Variants in FAR1 observed in about 807,000 individuals in gnomAD.
FAR1 encodes the protein fatty acyl-CoA reductase 1.
FAR1 carries 22 observed loss-of-function variants against 61.1 expected under a neutral mutation model. That is an observed-to-expected ratio of 0.36 (90% confidence interval 0.26 to 0.51). The LOEUF is 0.51. Among genes scored for constraint, FAR1 ranks in the 20% least tolerant of loss-of-function variants. The pLI is 0.95. For missense variants in FAR1, 359 were observed against 626.9 expected, an observed-to-expected ratio of 0.57 and a Z score of 4.56; for synonymous variants, 206 against 209.7, an observed-to-expected ratio of 0.98 and a Z score of 0.15.
chr11:13,671,967 T>C (rs1434944217), intron 1 of FAR1, among the ~76,000 whole-genome samples: 1 of 152,200 alleles, frequency 6.6e-6, no homozygotes, highest in Non-Finnish European at 1.5e-5. Context: ...TACTGAGGAA[T>C]ACACTGTTTA....
At chr11:13,688,657 A>G (rs1209010557) in intron 1 of FAR1, among the ~76,000 whole-genome samples, 1 of 152,084 alleles carries the variant, frequency 6.6e-6, no homozygotes, top group Admixed American at 6.5e-5. Context: ...ATTTTTACAT[A>G]AGAAAAAAAT....
Position 13,700,431 on chromosome 11 carries a change from A to G in FAR1, c.304A>G (p.Ile102Val), listed in dbSNP as rs370085498. The G allele has an allele frequency of 4.3e-5, 68 of 1,593,230 alleles. No homozygotes were observed. The highest frequency in any genetic ancestry group is 5.4e-5 in the Non-Finnish European group (63 of 1,172,690). The change falls in exon 3 of 12, where the codon ATA (isoleucine) becomes GTA (valine). Residue 102 changes from isoleucine (I) to valine (V), a missense_variant. Physicochemically the swap from Ile to Val is conservative, Grantham distance 29. Coordinates refer to ENST00000354817, the MANE Select transcript of FAR1 (RefSeq NM_032228.6). ...ALSEEDKEVIIDSTNIIFHCA... is the reference protein window; with the variant it reads ...ALSEEDKEVIVDSTNIIFHCA... Reference sequence around the variant, plus strand: ...CAGTGAAGAAGATAAAGAGGTGATCATAGATTCTACCAATATTATATTCCA... The same window carrying G: ...CAGTGAAGAAGATAAAGAGGTGATCGTAGATTCTACCAATATTATATTCCA...
At position 13,700,426 on chromosome 11, in the gene FAR1, T is replaced by G. The variant is rs1300936462; in HGVS notation, c.299T>G (p.Val100Gly). The G allele has an allele frequency of 6.3e-7, 1 of 1,593,550 alleles. No individual in the cohort carries two copies. The highest frequency in any genetic ancestry group is 8.5e-7 in the Non-Finnish European group (1 of 1,172,618). ...KLALSEEDKE[V>G]IIDSTNIIFH... is the part of the protein sequence containing the mutation. ...GCTCTCAGTGAAGAAGATAAAGAGG[T>G]GATCATAGATTCTACCAATATTATA... Residue 100 changes from valine to glycine, a missense_variant, in exon 3 of 12, where the codon GTG becomes GGG. By Grantham distance (109) the Val-to-Gly change is moderately radical. Around this residue, in one of 2 missense-constraint regions of FAR1, gnomAD observed 344 missense variants for 570.3 expected, o/e 0.60. Transcript: ENST00000354817.
rs1229731858 is a variant in FAR1, at chr11:13,729,055, G to A, written c.*281G>A. 3 of 264,622 alleles carry A rather than the reference G, an allele frequency of 1.1e-5. No individual in the cohort carries two copies. The highest frequency in any genetic ancestry group is 2.2e-5 in the Non-Finnish European group (3 of 135,958). The allele number at this position is 264,622 out of a possible 1,614,324, so 16.4% of individuals were successfully genotyped here. A position where few individuals can be genotyped will look rare whatever the true frequency, so the allele number is the denominator to read the frequency against. On this transcript the variant is annotated 3_prime_UTR_variant, in exon 12 of 12. Coordinates refer to ENST00000354817, the MANE Select transcript of FAR1 (RefSeq NM_032228.6). ...GGGGTGTGCTGAGGACAAGAGTGGG[G>A]AAATAGGAACACTGACCAGTATAAC...
chr11:13,691,785 C>G (rs1189176156), intron 1 of FAR1, among the ~76,000 whole-genome samples: 1 of 152,106 alleles, frequency 6.6e-6, no homozygotes, highest in African/African-American at 2.4e-5. Context: ...GACATGTGGG[C>G]TATTTGTGCC....
chr11:13,707,818 T>C, intron 3 of FAR1, 82 bp from the exon 4 acceptor site: 1 of 1,050,034 alleles, frequency 9.5e-7, no homozygotes, highest in Non-Finnish European at 1.3e-6. Context: ...GTCTCTCTAC[T>C]TCTCTAATGA....
intron 1 of FAR1, among the ~76,000 whole-genome samples, chr11:13,680,710 G>A (rs1049126103): frequency 2.2e-4 from 34 of 152,010 alleles, no homozygotes; most frequent in African/African-American, 6.8e-4. Context: ...GAGTGAGAAC[G>A]CTTAGTGGCA....
At chr11:13,676,643 T>G (rs1238446036) in intron 1 of FAR1, among the ~76,000 whole-genome samples, 1 of 152,144 alleles carries the variant, frequency 6.6e-6, no homozygotes, top group Non-Finnish European at 1.5e-5. Flanking sequence ...TTTTAAAAAC[T>G]TGTGGATTGT....
At chr11:13,716,357 A>G (rs1848556380) in intron 9 of FAR1, among the ~76,000 whole-genome samples, 1 of 152,260 alleles carries the variant, frequency 6.6e-6, no homozygotes, top group African/African-American at 2.4e-5. Context: ...TAGAAGCTAA[A>G]AACAGCAACA....
intron 1 of FAR1, among the ~76,000 whole-genome samples, chr11:13,673,767 A>G (rs1848035886): frequency 6.6e-6 from 1 of 152,226 alleles, no homozygotes; most frequent in Non-Finnish European, 1.5e-5. Flanking sequence ...TTACTTCAAA[A>G]TGTTTGTGAA....
At chr11:13,708,476 CATACAT>C (rs1325481892) in intron 4 of FAR1, among the ~76,000 whole-genome samples, 57 of 124,404 alleles carry the variant, frequency 4.6e-4, no homozygotes, top group African/African-American at 1.2e-3. Context: ...CACACACACA[CATACAT>C]TTATCTCTTT....
chr11:13,717,634 G>T (rs1231908153), intron 9 of FAR1, among the ~76,000 whole-genome samples: 1 of 152,122 alleles, frequency 6.6e-6, no homozygotes, highest in Non-Finnish European at 1.5e-5. Context: ...AAAGGTTAGG[G>T]GATCAGGGCA....
Position 13,728,857 on chromosome 11 carries a change from T to C in FAR1, c.*83T>C. 1 of 1,327,864 alleles carries C rather than the reference T, an allele frequency of 7.5e-7. No individual in the cohort carries two copies. The highest frequency in any genetic ancestry group is 1.0e-6 in the Non-Finnish European group (1 of 960,792). 82.3% of individuals were successfully genotyped at this position (1,327,864 alleles called of 1,614,324 possible). A position where few individuals can be genotyped will look rare whatever the true frequency, so the allele number is the denominator to read the frequency against. On this transcript the variant is annotated 3_prime_UTR_variant, in exon 12 of 12. Coordinates refer to ENST00000354817, the MANE Select transcript of FAR1 (RefSeq NM_032228.6). ...GTAAAATGTATAAGTCATCTCACTT[T>C]TTGTCAAGACATTAAACCATCTTAG...
chr11:13,684,071 A>G (rs1848159859), intron 1 of FAR1, among the ~76,000 whole-genome samples: 1 of 152,236 alleles, frequency 6.6e-6, no homozygotes, highest in Non-Finnish European at 1.5e-5. Context: ...CATGGTGAAC[A>G]TTGTGAATGA....
intron 1 of FAR1, among the ~76,000 whole-genome samples, chr11:13,677,669 A>G (rs1848081520): frequency 6.6e-6 from 1 of 152,216 alleles, no homozygotes; most frequent in African/African-American, 2.4e-5. Flanking sequence ...CATCATAGCC[A>G]GAGTGAGGAC....
chr11:13,714,719 A>G (rs1221755644), intron 9 of FAR1, 39 bp downstream of exon 9: 15 of 1,556,068 alleles, frequency 9.6e-6, no homozygotes, highest in Non-Finnish European at 1.3e-5. Context: ...TTCCTCTGTT[A>G]AACAACCCAT....
intron 10 of FAR1, among the ~76,000 whole-genome samples, chr11:13,722,858 C>CTCTCTATATA (rs905924337): frequency 4.7e-5 from 7 of 147,872 alleles, no homozygotes; most frequent in African/African-American, 1.3e-4. Context: ...CTCTCTCTCT[C>CTCTCTATATA]TATATATATA....
At chr11:13,668,886 C>T (rs1847958556) in intron 1 of FAR1, 80 bp downstream of exon 1, 1 of 152,786 alleles carries the variant, frequency 6.5e-6, no homozygotes, top group Non-Finnish European at 1.5e-5. Context: ...TGCGGGAGCT[C>T]GGGCTGCAGG....
At chr11:13,696,108 G>T (rs1249418988) in intron 2 of FAR1, among the ~76,000 whole-genome samples, 1 of 152,104 alleles carries the variant, frequency 6.6e-6, no homozygotes, top group Non-Finnish European at 1.5e-5. Flanking sequence ...ATGTCTACAT[G>T]TATGTTTTAT....
Sources: gnomAD v4.1 joint callset for allele counts (sites outside exome capture counted in the v4.1 genomes callset) on GRCh38, gnomAD v4.1.1 for gene constraint, gnomAD v4.1.1 regional missense constraint, MANE v1.5 for transcripts, NCBI Gene and HGNC (gene_info 2026-07-23, HGNC 2026-07-21) for gene names.